Variants in GATA4 observed in about 807,000 individuals in gnomAD.
The protein encoded by GATA4 is GATA binding protein 4.
In GATA4, 7 loss-of-function variants were observed where a neutral mutation model predicts 37.9. The observed-to-expected ratio is 0.18, with a 90% CI of 0.11 to 0.35. The LOEUF (loss-of-function observed/expected upper bound fraction) is 0.35, where lower values mean the gene tolerates loss of function less well. GATA4 is among the 10% of genes least tolerant of loss of function. The pLI is 1.00. For synonymous variants in GATA4, 372 were observed against 292.6 expected (o/e 1.27, Z -2.77); for missense variants, 647 against 653.0 (o/e 0.99, Z 0.10).
intron 1 of GATA4, among the ~76,000 whole-genome samples, chr8:11,678,926 A>G (rs1004840477): frequency 2.2e-4 from 33 of 152,190 alleles, no homozygotes; most frequent in African/African-American, 8.0e-4. Context: ...AAGTGTTTAT[A>G]AATTACTCTT....
intron 1 of GATA4, among the ~76,000 whole-genome samples, chr8:11,679,018 T>A (rs1798868169): frequency 6.6e-6 from 1 of 152,226 alleles, no homozygotes; most frequent in Non-Finnish European, 1.5e-5. Flanking sequence ...CCAAGTGATT[T>A]ATAGGACAGA....
upstream of GATA4, among the ~76,000 whole-genome samples, chr8:11,692,250 G>C (rs1020847068): frequency 7.8e-4 from 118 of 152,220 alleles, 2 homozygotes; most frequent in African/African-American, 8.7e-4. Flanking sequence ...ACTGAGCGCA[G>C]GGGTGGAGAA....
At chr8:11,739,731 A>G (rs202140583) in intron 2 of GATA4, among the ~76,000 whole-genome samples, 2 of 127,558 alleles carry the variant, frequency 1.6e-5, no homozygotes, top group African/African-American at 2.7e-5. Context: ...CTCTGTGTGC[A>G]GAGCTTCTGT....
At chr8:11,704,609 G>T (rs1362246363) in intron 1 of GATA4, among the ~76,000 whole-genome samples, 1 of 152,210 alleles carries the variant, frequency 6.6e-6, no homozygotes, top group Non-Finnish European at 1.5e-5. Context: ...ACCCTTGTTT[G>T]CATATCGCAG....
chr8:11,758,373 C>T lies in GATA4; in HGVS notation c.1230C>T (p.Gly410=). The T allele has an allele frequency of 3.1e-6, 5 of 1,614,214 alleles. No individual in the cohort carries two copies. Among genetic ancestry groups the T allele is most frequent in the Non-Finnish European group, 2.5e-6 (3 of 1,180,018 alleles). The change falls in exon 7 of 7, where the codon GGC becomes GGT. Residue 410 remains glycine, a synonymous_variant. Transcript: ENST00000532059. The part of the protein sequence containing the change: ...VLSALKLSPQ[G]YASPVSQSPQ... The stretch of plus-strand genomic sequence containing the variant: ...CGGCCCTGAAGCTCTCCCCACAAGG[C>T]TATGCGTCTCCCGTCAGCCAGTCTC...
At chr8:11,698,695 C>G (rs1013079329) in intron 1 of GATA4, among the ~76,000 whole-genome samples, 3 of 152,188 alleles carry the variant, frequency 2.0e-5, no homozygotes, top group Admixed American at 6.5e-5. Flanking sequence ...CGGGGACTCC[C>G]TCGCCAGTCT....
At chr8:11,731,354 A>G (rs1801199909) in intron 2 of GATA4, among the ~76,000 whole-genome samples, 1 of 152,268 alleles carries the variant, frequency 6.6e-6, no homozygotes, top group Non-Finnish European at 1.5e-5. Context: ...CCGTGGATGA[A>G]TGAATGAACA....
chr8:11,697,743 G>A (rs977850405), intron 1 of GATA4: 2 of 985,342 alleles, frequency 2.0e-6, no homozygotes, highest in African/African-American at 1.7e-5. Flanking sequence ...TGCTCGCCGC[G>A]CCAGGTCGCG....
At chr8:11,689,991 C>G (rs1373328244), upstream of GATA4, among the ~76,000 whole-genome samples, 1 of 152,220 alleles carries the variant, frequency 6.6e-6, no homozygotes, top group African/African-American at 2.4e-5. Flanking sequence ...CTCTATAGCC[C>G]TGTCTGGATA....
intron 1 of GATA4, chr8:11,681,348 C>G: frequency 1.0e-6 from 1 of 985,412 alleles, no homozygotes; most frequent in Non-Finnish European, 1.2e-6. Context: ...CATCAAATTT[C>G]CAGCACTCGT....
intron 1 of GATA4, chr8:11,698,039 C>G (rs1274226600): frequency 2.0e-6 from 2 of 983,046 alleles, no homozygotes; most frequent in East Asian, 1.1e-4. Flanking sequence ...GGGTTGACCT[C>G]GTCCCGGTCG....
chr8:11,750,345 G>T, intron 4 of GATA4, 109 bp downstream of exon 4: 1 of 1,482,208 alleles, frequency 6.7e-7, no homozygotes, highest in East Asian at 2.4e-5. Flanking sequence ...TCTTAACAAA[G>T]AGACTTAGAT....
At chr8:11,699,814 G>T (rs147743345), upstream of GATA4, among the ~76,000 whole-genome samples, 74 of 152,298 alleles carry the variant, frequency 4.9e-4, no homozygotes, top group African/African-American at 1.6e-3. Flanking sequence ...TCTTCCTGTG[G>T]GCTCTCAGAT....
At chr8:11,687,297 T>C (rs539920658) in intron 1 of GATA4, among the ~76,000 whole-genome samples, 5 of 152,114 alleles carry the variant, frequency 3.3e-5, no homozygotes, top group African/African-American at 1.2e-4. Context: ...TCAGGCACAG[T>C]TTTTTTTAGG....
intron 2 of GATA4, among the ~76,000 whole-genome samples, chr8:11,748,476 T>C (rs985055618): frequency 1.3e-5 from 2 of 152,208 alleles, no homozygotes; most frequent in African/African-American, 2.4e-5. Context: ...TGGATTTTCT[T>C]TATATATTTT....
chr8:11,692,554 C>T, upstream of GATA4: 2 of 985,440 alleles, frequency 2.0e-6, no homozygotes, highest in Non-Finnish European at 2.4e-6. Context: ...GAATCTGATC[C>T]TTCGGGCCGC....
At chr8:11,715,875 C>G (rs986832971) in intron 2 of GATA4, among the ~76,000 whole-genome samples, 1 of 152,208 alleles carries the variant, frequency 6.6e-6, no homozygotes, top group African/African-American at 2.4e-5. Flanking sequence ...TCCCATTCCT[C>G]TCCACACCAG....
chr8:11,678,477 T>C (rs1173745169), intron 1 of GATA4, among the ~76,000 whole-genome samples: 3 of 152,190 alleles, frequency 2.0e-5, no homozygotes, highest in African/African-American at 7.2e-5. Context: ...GCTAATGTTT[T>C]CCCAGGGCTG....
Position 11,708,957 on chromosome 8 carries a change from G to T in GATA4, c.616+29G>T, listed in dbSNP as rs755556215. The stretch of plus-strand genomic sequence containing the variant: ...AGTAGGAGCGCGAGGGCTGGGGCGC[G>T]TGAGGGCCGGGGCAGGGGCCGTCTT... On this transcript the variant is annotated intron_variant, in intron 2 of 6. Coordinates refer to ENST00000532059, the MANE Select transcript of GATA4 (RefSeq NM_001308093.3). This position sits in a 1 kb window ranked among gnomAD's most constrained non-coding sequence, Gnocchi z 6.7. The T allele has an allele frequency of 1.5e-5, 22 of 1,515,468 alleles. No homozygotes were observed. The highest frequency in any genetic ancestry group is 4.9e-5 in the South Asian group (4 of 82,342). 93.9% of individuals were successfully genotyped at this position (1,515,468 alleles called of 1,614,324 possible). A position where few individuals can be genotyped will look rare whatever the true frequency, so the allele number is the denominator to read the frequency against.
Sources: gnomAD v4.1 joint callset for allele counts (sites outside exome capture counted in the v4.1 genomes callset) on GRCh38, gnomAD v4.1.1 for gene constraint, Gnocchi (gnomAD v3.1) non-coding constraint, MANE v1.5 for transcripts, NCBI Gene and HGNC (gene_info 2026-07-23, HGNC 2026-07-21) for gene names.